LIMCH1: variants seen among roughly 807,000 people sequenced by gnomAD.
The protein encoded by LIMCH1 is LIM and calponin homology domains-containing protein 1.
In LIMCH1, 113 loss-of-function variants were observed where a neutral mutation model predicts 176.5. The observed-to-expected ratio is 0.64, with a 90% confidence interval of 0.55 to 0.75. The LOEUF (loss-of-function observed/expected upper bound fraction) is 0.75, where lower values mean the gene tolerates loss of function less well. Ranked by LOEUF, LIMCH1 falls within the 30% of genes least tolerant of loss-of-function variation. The pLI, the probability that LIMCH1 is intolerant of heterozygous loss-of-function variation, is 0.00. For missense variants in LIMCH1, 1,674 were observed against 1,814.9 expected, an observed-to-expected ratio of 0.92 and a Z score of 1.41; for synonymous variants, 619 against 645.9, an observed-to-expected ratio of 0.96 and a Z score of 0.63.
At chr4:41,460,458 C>A (rs55642787) in intron 1 of LIMCH1, among the ~76,000 whole-genome samples, 21,596 of 108,988 alleles carry the variant, frequency 0.2, 2,812 homozygotes, top group African/African-American at 0.34. Context: ...TAGTAATCAT[C>A]TATATATATA....
chr4:41,366,814 A>G (rs142441217), intron 1 of LIMCH1, among the ~76,000 whole-genome samples: 5 of 152,362 alleles, frequency 3.3e-5, no homozygotes, highest in Admixed American at 6.5e-5. Context: ...AGAGATGCCC[A>G]TGCATCTAAC....
chr4:41,408,862 A>G (rs1235184845), intron 1 of LIMCH1, among the ~76,000 whole-genome samples: 4 of 152,218 alleles, frequency 2.6e-5, no homozygotes, highest in African/African-American at 7.2e-5. Flanking sequence ...AACTATTGCC[A>G]TAGAATCTTC....
At chr4:41,556,479 C>A (rs2081290450) in intron 1 of LIMCH1, among the ~76,000 whole-genome samples, 1 of 151,692 alleles carries the variant, frequency 6.6e-6, no homozygotes, top group Admixed American at 6.6e-5. Context: ...CTGGTTCTAC[C>A]TTTTTGATCA....
At chr4:41,418,754 C>T (rs2060165871) in intron 1 of LIMCH1, 1 of 151,922 alleles carries the variant, frequency 6.6e-6, no homozygotes, top group Non-Finnish European at 1.5e-5. Context: ...TGCTTGTGAC[C>T]ATGAAACTCT....
At chr4:41,512,736 G>T (rs1393317136) in intron 2 of LIMCH1, among the ~76,000 whole-genome samples, 1 of 152,176 alleles carries the variant, frequency 6.6e-6, no homozygotes, top group East Asian at 1.9e-4. Context: ...GTGGTTGTTT[G>T]GGGCTGGGGG....
rs1471681513 is a variant in LIMCH1 at position 41,638,111 on chromosome 4, G to T, written c.2091-821G>T. On this transcript the variant is annotated intron_variant, in intron 13 of 31. Transcript: ENST00000503057. ...GTGGGAGCTGTGTTGTTTTGTTGTT[G>T]TTGTTGTTGTTGTTGTTGTTGTTTT... Among the ~76,000 whole-genome samples, 781 of 91,578 alleles carry T rather than the reference G, an allele frequency of 8.5e-3. 8 individuals are homozygous for T. Among genetic ancestry groups the T allele is most frequent in the African/African-American group, 0.035 (746 of 21,362 alleles). 60.1% of individuals were successfully genotyped at this position (91,578 alleles called of 152,430 possible).
chr4:41,384,814 T>G (rs1042896267), intron 1 of LIMCH1, among the ~76,000 whole-genome samples: 12 of 152,202 alleles, frequency 7.9e-5, no homozygotes, highest in Admixed American at 3.3e-4. Flanking sequence ...CTCCAAATAC[T>G]ACCAAGTATT....
At chr4:41,634,680 C>T (rs2093489216) in intron 13 of LIMCH1, among the ~76,000 whole-genome samples, 1 of 152,218 alleles carries the variant, frequency 6.6e-6, no homozygotes, top group South Asian at 2.1e-4. Flanking sequence ...TGCTTTACAA[C>T]CACAGAGTGC....
At position 41,646,601 on chromosome 4, in the gene LIMCH1, A is replaced by T. The variant is rs1043225540; in HGVS notation, c.2528A>T (p.Glu843Val). Residue 843 changes from glutamate to valine, a missense_variant, in exon 17 of 32, where the codon GAA (glutamate) becomes GTA (valine). Physicochemically the swap from Glu to Val is moderately radical, Grantham distance 121. This residue lies in a region of LIMCH1 where 1,015 missense variants were observed against 1,102.5 expected (regional missense o/e 0.92). Transcript: ENST00000503057. ...TTCACCATCAGTGAGGCTGTTCTCG[A>T]ACGCTTGGAGATGCCAAAAATTCTG... ...ERFTISEAVL[E>V]RLEMPKILER... is the part of the protein sequence containing the mutation. 6.2e-7 allele frequency: 1 copy of T among 1,614,074 alleles called. No individual in the cohort carries two copies.
intron 3 of LIMCH1, among the ~76,000 whole-genome samples, 200 bp from the exon 4 acceptor site, chr4:41,605,694 G>A (rs757710798): frequency 2.0e-4 from 31 of 152,174 alleles, no homozygotes; most frequent in Non-Finnish European, 3.5e-4. Context: ...ACTCAACCGT[G>A]TTTGTGTTGC....
At chr4:41,499,448 A>G (rs2072817403) in intron 2 of LIMCH1, among the ~76,000 whole-genome samples, 2 of 152,214 alleles carry the variant, frequency 1.3e-5, no homozygotes, top group African/African-American at 2.4e-5. Context: ...TAGCAATAAT[A>G]TAGTAACGTT....
At chr4:41,545,298 G>A (rs568670402) in intron 1 of LIMCH1, among the ~76,000 whole-genome samples, 4 of 152,278 alleles carry the variant, frequency 2.6e-5, no homozygotes, top group Admixed American at 2.6e-4. Flanking sequence ...AGAGAAAAAT[G>A]TTTTTATTTC....
chr4:41,487,779 A>G (rs1056494439), intron 1 of LIMCH1, among the ~76,000 whole-genome samples: 1 of 146,056 alleles, frequency 6.8e-6, no homozygotes, highest in Non-Finnish European at 1.5e-5. Flanking sequence ...CTGCCTCCCT[A>G]GTAGCTGGGA....
At chr4:41,484,175 T>C (rs2069124134) in intron 1 of LIMCH1, among the ~76,000 whole-genome samples, 1 of 152,238 alleles carries the variant, frequency 6.6e-6, no homozygotes, top group African/African-American at 2.4e-5. Context: ...CATTGCTTCT[T>C]CCATGCTCTT....
chr4:41,437,498 T>C (rs1017299928), intron 1 of LIMCH1, among the ~76,000 whole-genome samples: 2 of 152,042 alleles, frequency 1.3e-5, no homozygotes, highest in African/African-American at 2.4e-5. Flanking sequence ...GAAAGGAAAC[T>C]GTAGTGGAAT....
chr4:41,490,770 C>T (rs1330758342), intron 1 of LIMCH1, among the ~76,000 whole-genome samples: 24 of 152,366 alleles, frequency 1.6e-4, no homozygotes, highest in Admixed American at 1.5e-3. Flanking sequence ...GTTATCACGG[C>T]CCGTTCTCGA....
At chr4:41,444,730 T>C (rs2063097856) in intron 1 of LIMCH1, among the ~76,000 whole-genome samples, 1 of 152,170 alleles carries the variant, frequency 6.6e-6, no homozygotes, top group Non-Finnish European at 1.5e-5. Flanking sequence ...ATCACAGCAA[T>C]GGGATTTTCA....
intron 1 of LIMCH1, among the ~76,000 whole-genome samples, chr4:41,572,412 G>GT (rs11453921): frequency 0.07 from 10,703 of 151,866 alleles, 1,209 homozygotes; most frequent in African/African-American, 0.24. Flanking sequence ...TACAATACTA[G>GT]TTTTTTTTAC....
In LIMCH1 at chr4:41,646,489, C is replaced by T. The variant is rs778845210; in HGVS notation, c.2416C>T (p.Arg806Trp). Residue 806 changes from arginine (R) to tryptophan (W), a missense_variant, in exon 17 of 32, where the codon CGG becomes TGG. By Grantham distance (101) the Arg-to-Trp change is moderately radical. This residue lies in a region of LIMCH1 where 1,015 missense variants were observed against 1,102.5 expected (regional missense o/e 0.92). Transcript: ENST00000503057. The stretch of plus-strand genomic sequence containing the variant: ...TGCTTCTCCCATGTCCTTTAGAGAG[C>T]GGAGAGAGAGAGAGCTGCATGAAGC... ...TYREIVQEKE[R>W]RERELHEAYK... The T allele has an allele frequency of 1.2e-5, 20 of 1,610,930 alleles. No homozygotes were observed. The highest frequency in any genetic ancestry group is 3.3e-4 in the Middle Eastern group (2 of 6,074).
Sources: allele counts gnomAD v4.1 joint callset (sites outside exome capture counted in the v4.1 genomes callset), GRCh38; gene constraint gnomAD v4.1.1; regional missense constraint gnomAD v4.1.1; transcripts MANE v1.5; gene names NCBI Gene and HGNC (gene_info 2026-07-23, HGNC 2026-07-21).